The following CSMD3 variants were observed in gnomAD, a reference collection of about 807,000 sequenced individuals.
CSMD3 encodes CUB and sushi domain-containing protein 3.
CSMD3 carries 177 observed loss-of-function variants against 435.2 expected under a neutral mutation model. The ratio of observed to expected loss-of-function variants is 0.41; its 90% CI spans 0.36 to 0.46. The LOEUF (loss-of-function observed/expected upper bound fraction) is 0.46, where lower values mean the gene tolerates loss of function less well. Among genes scored for constraint, CSMD3 ranks in the 20% least tolerant of loss-of-function variants. The pLI is 0.34. For missense variants in CSMD3, 4,265 were observed against 4,504.6 expected (o/e 0.95, Z 1.52); for synonymous variants, 1,656 against 1,520.5 (o/e 1.09, Z -2.07).
At chr8:112,573,983 G>T (rs1364657242) in intron 23 of CSMD3, among the ~76,000 whole-genome samples, 1 of 151,942 alleles carries the variant, frequency 6.6e-6, no homozygotes, top group Non-Finnish European at 1.5e-5. Flanking sequence ...GGTTTCTAAA[G>T]TTGGTTACTT....
intron 13 of CSMD3, among the ~76,000 whole-genome samples, chr8:112,720,499 C>T (rs967980020): frequency 3.9e-5 from 6 of 152,114 alleles, no homozygotes; most frequent in African/African-American, 1.4e-4. Flanking sequence ...CTACAAAATG[C>T]TCGTTTTCCA....
chr8:112,890,322 C>A (rs1465097385), intron 10 of CSMD3, among the ~76,000 whole-genome samples: 1 of 151,640 alleles, frequency 6.6e-6, no homozygotes, highest in Non-Finnish European at 1.5e-5. Flanking sequence ...CTATAAGTAT[C>A]TGGCATAAAG....
intron 4 of CSMD3, among the ~76,000 whole-genome samples, chr8:113,115,119 T>C (rs2090782502): frequency 6.6e-6 from 1 of 152,280 alleles, no homozygotes; most frequent in African/African-American, 2.4e-5. Context: ...ACCTTTGAGA[T>C]ACACTGACCT....
chr8:112,517,101 C>T lies in CSMD3; in HGVS notation c.4689G>A (p.Glu1563=), dbSNP rs1379645322. 4.3e-6 allele frequency: 7 copies of T among 1,613,878 alleles called. No homozygotes were observed. Among genetic ancestry groups the T allele is most frequent in the East Asian group, 2.2e-5 (1 of 44,856 alleles). Residue 1563 remains glutamate, a synonymous_variant, in exon 28 of 71, where the codon GAG becomes GAA. Transcript: ENST00000297405. ...CTACCTGAATGCAGGTTATTCTTTC[C>T]TCTCCTTGAAGTTCATATCCTGGGT... ...QCDPGYELQG[E]ERITCIQVEN... is the part of the protein sequence containing the mutation.
intron 1 of CSMD3, among the ~76,000 whole-genome samples, chr8:113,344,834 G>C (rs950879023): frequency 4.6e-5 from 7 of 151,922 alleles, no homozygotes; most frequent in Admixed American, 6.6e-5. Flanking sequence ...TAATGAGCTA[G>C]AAAGTGCATG....
chr8:113,372,865 C>T (rs1161505570), intron 1 of CSMD3, among the ~76,000 whole-genome samples: 1 of 148,604 alleles, frequency 6.7e-6, no homozygotes, highest in Non-Finnish European at 1.5e-5. Context: ...ACCCGGGAAG[C>T]GGAGCTTGCA....
intron 9 of CSMD3, among the ~76,000 whole-genome samples, chr8:112,936,880 T>C (rs2083295556): frequency 6.6e-6 from 1 of 152,302 alleles, no homozygotes; most frequent in African/African-American, 2.4e-5. Context: ...ACATTTAAAC[T>C]TTACTTCAAT....
chr8:112,310,897 A>G lies in CSMD3; in HGVS notation c.7885+81T>C, dbSNP rs747438493. ...TTCCGAATATTTCCATTCTCAGAAA[A>G]GTTAGTGATCCAAATAAAAACGTTA... On this transcript the variant is annotated intron_variant, in intron 50 of 70. Coordinates refer to ENST00000297405, the MANE Select transcript of CSMD3 (RefSeq NM_198123.2). The G allele has an allele frequency of 2.6e-6, 3 of 1,155,126 alleles. No individual in the cohort carries two copies. The Admixed American group carries it at 5.4e-5, about 21-fold the overall frequency. The allele number at this position is 1,155,126 out of a possible 1,614,324, so 71.6% of individuals were successfully genotyped here. A position where few individuals can be genotyped will look rare whatever the true frequency, so the allele number is the denominator to read the frequency against.
chr8:113,422,364 G>T (rs1384671179), intron 1 of CSMD3, among the ~76,000 whole-genome samples: 2 of 152,132 alleles, frequency 1.3e-5, no homozygotes, highest in Non-Finnish European at 2.9e-5. Context: ...CAAATCTGCC[G>T]CTTTTATCTC....
chr8:112,780,219 T>C (rs1018815595), intron 13 of CSMD3, among the ~76,000 whole-genome samples: 10 of 151,992 alleles, frequency 6.6e-5, no homozygotes, highest in African/African-American at 2.2e-4. Flanking sequence ...TGAAGCAATA[T>C]AGTACAATAT....
intron 3 of CSMD3, among the ~76,000 whole-genome samples, chr8:113,207,834 A>G (rs77145161): frequency 2.3e-3 from 353 of 152,318 alleles, no homozygotes; most frequent in Middle Eastern, 6.8e-3. Flanking sequence ...CAAGTATGGA[A>G]GTAATTAAAA....
intron 13 of CSMD3, among the ~76,000 whole-genome samples, chr8:112,794,638 A>T (rs922576308): frequency 5.3e-5 from 8 of 152,134 alleles, no homozygotes; most frequent in African/African-American, 1.9e-4. Flanking sequence ...AGTTTGGCCC[A>T]AACCTGTAGA....
chr8:113,375,521 A>ACG (rs2094376191), intron 1 of CSMD3, among the ~76,000 whole-genome samples: 3 of 94,116 alleles, frequency 3.2e-5, no homozygotes, highest in Non-Finnish European at 7.2e-5. Flanking sequence ...TAATACACAC[A>ACG]CACACACACA....
chr8:113,296,268 C>T (rs1425979292), intron 2 of CSMD3, among the ~76,000 whole-genome samples: 1 of 145,988 alleles, frequency 6.8e-6, no homozygotes, highest in Non-Finnish European at 1.5e-5. Flanking sequence ...GCATATTGTG[C>T]ACATGTACCC....
At chr8:112,731,064 T>G (rs918564223) in intron 13 of CSMD3, among the ~76,000 whole-genome samples, 2 of 152,134 alleles carry the variant, frequency 1.3e-5, no homozygotes, top group Non-Finnish European at 2.9e-5. Context: ...TTTTAAAAAG[T>G]CCTTTGTTTG....
chr8:112,232,072 T>C (rs1318588764), intron 68 of CSMD3, among the ~76,000 whole-genome samples: 1 of 152,086 alleles, frequency 6.6e-6, no homozygotes, highest in African/African-American at 2.4e-5. Flanking sequence ...CTATGGAGTG[T>C]GGGGATTGGG....
chr8:112,539,049 A>T (rs1826409545), intron 27 of CSMD3: 1 of 153,528 alleles, frequency 6.5e-6, no homozygotes, highest in Non-Finnish European at 1.5e-5. Flanking sequence ...CATATTAAAA[A>T]TATGCTAAGG....
chr8:112,307,520 C>A (rs1367781883), intron 50 of CSMD3, among the ~76,000 whole-genome samples: 2 of 152,028 alleles, frequency 1.3e-5, no homozygotes, highest in Non-Finnish European at 2.9e-5. Context: ...TAGGCTCAAG[C>A]AGTCCAGTGG....
intron 17 of CSMD3, among the ~76,000 whole-genome samples, chr8:112,665,822 C>G (rs890354054): frequency 1.3e-5 from 2 of 152,100 alleles, no homozygotes; most frequent in Non-Finnish European, 2.9e-5. Flanking sequence ...TCCACCATTA[C>G]TACATACTAC....
Sources: gnomAD v4.1 joint callset for allele counts (sites outside exome capture counted in the v4.1 genomes callset) on GRCh38, gnomAD v4.1.1 for gene constraint, MANE v1.5 for transcripts, NCBI Gene and HGNC (gene_info 2026-07-23, HGNC 2026-07-21) for gene names.